Variants in MTUS2 observed in about 807,000 individuals in gnomAD.
The protein encoded by MTUS2 is microtubule-associated tumor suppressor candidate 2.
A neutral mutation model predicts 114.1 loss-of-function variants in MTUS2; 40 were observed. The observed-to-expected ratio is 0.35, with a 90% CI of 0.27 to 0.46. The LOEUF (loss-of-function observed/expected upper bound fraction) is 0.46, where lower values mean the gene tolerates loss of function less well. MTUS2 is among the 20% of genes least tolerant of loss of function. The probability of loss-of-function intolerance (pLI) is 1.00; values close to 1 mark genes in which losing one functional copy is unlikely to be tolerated. For missense variants in MTUS2, 1,679 were observed against 1,705.4 expected, an observed-to-expected ratio of 0.98 and a Z score of 0.27; for synonymous variants, 688 against 672.0, an observed-to-expected ratio of 1.02 and a Z score of -0.37.
At chr13:29,414,893 C>CT (rs928428255) in intron 8 of MTUS2, among the ~76,000 whole-genome samples, 10 of 150,704 alleles carry the variant, frequency 6.6e-5, no homozygotes, top group African/African-American at 2.2e-4. Flanking sequence ...CATTTATTTA[C>CT]TTTTTTATAT....
chr13:28,953,916 C>T (rs1210296398), intron 2 of MTUS2, among the ~76,000 whole-genome samples: 12 of 152,226 alleles, frequency 7.9e-5, no homozygotes, highest in Admixed American at 3.9e-4. Flanking sequence ...CTGAAGGGGG[C>T]GTTAAGGCTT....
chr13:28,998,095 A>G (rs1446046381), intron 2 of MTUS2, among the ~76,000 whole-genome samples: 1 of 151,910 alleles, frequency 6.6e-6, no homozygotes, highest in Non-Finnish European at 1.5e-5. Context: ...GGTGGTGACA[A>G]AGTCTCTCAG....
At chr13:28,947,943 G>A (rs770960935) in intron 2 of MTUS2, among the ~76,000 whole-genome samples, 1 of 152,128 alleles carries the variant, frequency 6.6e-6, no homozygotes, top group East Asian at 1.9e-4. Context: ...AATTTCAGTG[G>A]CTTGCTTGAG....
chr13:29,080,465 G>A (rs1889391169), intron 4 of MTUS2, among the ~76,000 whole-genome samples: 1 of 152,160 alleles, frequency 6.6e-6, no homozygotes, highest in Admixed American at 6.5e-5. Flanking sequence ...ACTGTCACAA[G>A]GTGAGCTCCC....
At chr13:29,416,237 T>A (rs1566188385) in intron 8 of MTUS2, among the ~76,000 whole-genome samples, 1 of 151,916 alleles carries the variant, frequency 6.6e-6, no homozygotes, top group Non-Finnish European at 1.5e-5. Context: ...CCACCAGTTT[T>A]TAATTGTATC....
chr13:29,084,778 T>TCCC (rs1256632811), intron 4 of MTUS2, among the ~76,000 whole-genome samples: 11 of 81,528 alleles, frequency 1.3e-4, no homozygotes, highest in Admixed American at 3.8e-4. Context: ...CCTCAGGTGA[T>TCCC]CCACCCCCCC....
chr13:29,152,673 G>A (rs540098123), intron 5 of MTUS2, among the ~76,000 whole-genome samples: 1 of 152,098 alleles, frequency 6.6e-6, no homozygotes, highest in South Asian at 2.1e-4. Context: ...GGACCCTTCT[G>A]TAGAGATGCC....
intron 2 of MTUS2, among the ~76,000 whole-genome samples, chr13:28,935,557 C>T (rs1377776269): frequency 2.6e-5 from 4 of 152,068 alleles, no homozygotes; most frequent in Non-Finnish European, 2.9e-5. Flanking sequence ...AGTGACTGTA[C>T]TGACAGCAAT....
chr13:29,392,592 T>C (rs963715637), intron 8 of MTUS2, among the ~76,000 whole-genome samples: 2 of 152,218 alleles, frequency 1.3e-5, no homozygotes, highest in African/African-American at 4.8e-5. Context: ...ATTCACACTT[T>C]CTGGTGTATA....
At chr13:29,256,539 A>G (rs369843549) in intron 5 of MTUS2, among the ~76,000 whole-genome samples, 1 of 152,242 alleles carries the variant, frequency 6.6e-6, no homozygotes, top group Non-Finnish European at 1.5e-5. Context: ...TCACACTTTC[A>G]TGTCCTAAAT....
intron 5 of MTUS2, among the ~76,000 whole-genome samples, chr13:29,234,284 C>A (rs1896450098): frequency 6.6e-6 from 1 of 152,068 alleles, no homozygotes; most frequent in Non-Finnish European, 1.5e-5. Context: ...GCTCTGGACC[C>A]TCTCTCACCA....
chr13:28,823,774 G>A (rs1332378963), intron 1 of MTUS2, among the ~76,000 whole-genome samples: 1 of 152,176 alleles, frequency 6.6e-6, no homozygotes, highest in African/African-American at 2.4e-5. Context: ...AAGGAAAGAG[G>A]TTTAATTGAC....
intron 1 of MTUS2, among the ~76,000 whole-genome samples, chr13:28,831,735 T>TCC (rs1874693591): frequency 6.8e-6 from 1 of 148,040 alleles, no homozygotes; most frequent in African/African-American, 2.5e-5. Context: ...CTTCCTTCCT[T>TCC]TCTTCCTTCC....
chr13:28,895,238 T>A (rs1377660978), intron 2 of MTUS2, among the ~76,000 whole-genome samples: 1 of 152,240 alleles, frequency 6.6e-6, no homozygotes, highest in African/African-American at 2.4e-5. Flanking sequence ...CATGGGCCTC[T>A]GAGACAGCAT....
intron 2 of MTUS2, among the ~76,000 whole-genome samples, chr13:28,998,748 C>T (rs1566280854): frequency 6.6e-6 from 1 of 152,228 alleles, no homozygotes; most frequent in African/African-American, 2.4e-5. Flanking sequence ...CCATCACGTC[C>T]ATTAAGGACT....
chr13:29,362,377 A>G (rs4258468), intron 8 of MTUS2, among the ~76,000 whole-genome samples: 123,896 of 152,182 alleles, frequency 0.81, 51,925 homozygotes, highest in South Asian at 0.91. Context: ...TTTTACTCTC[A>G]AGTGGGAGAA....
At chr13:28,900,647 GAT>G (rs1879592316) in intron 2 of MTUS2, among the ~76,000 whole-genome samples, 1 of 152,134 alleles carries the variant, frequency 6.6e-6, no homozygotes, top group Non-Finnish European at 1.5e-5. Flanking sequence ...TAGTAGTAAT[GAT>G]ATAGAGGTAC....
intron 8 of MTUS2, among the ~76,000 whole-genome samples, chr13:29,363,077 G>C (rs1342504384): frequency 1.3e-5 from 2 of 148,806 alleles, no homozygotes; most frequent in Non-Finnish European, 3.0e-5. Context: ...CCCCCAAGTG[G>C]TGTAGTAATG....
At chr13:29,193,494 G>A (rs1036720281) in intron 5 of MTUS2, among the ~76,000 whole-genome samples, 2 of 152,058 alleles carry the variant, frequency 1.3e-5, no homozygotes, top group South Asian at 2.1e-4. Context: ...CCATTCACAA[G>A]TGCTTCAAAG....
Sources: gnomAD v4.1 joint callset for allele counts (sites outside exome capture counted in the v4.1 genomes callset) on GRCh38, gnomAD v4.1.1 for gene constraint, MANE v1.5 for transcripts, NCBI Gene and HGNC (gene_info 2026-07-23, HGNC 2026-07-21) for gene names.